Variants in ADARB2 observed in about 807,000 individuals in gnomAD.
The protein encoded by ADARB2 is inactive double-stranded RNA-specific editase B2.
In ADARB2, 25 loss-of-function variants were observed where a neutral mutation model predicts 62.2. The observed-to-expected ratio is 0.40, with a 90% CI of 0.29 to 0.56. ADARB2 has a LOEUF of 0.56. Ranked by LOEUF, ADARB2 falls within the 20% of genes least tolerant of loss-of-function variation. The pLI is 0.43. For missense variants in ADARB2, 1,071 were observed against 1,077.4 expected (o/e 0.99, Z 0.08); for synonymous variants, 572 against 500.8 (o/e 1.14, Z -1.90).
intron 3 of ADARB2, among the ~76,000 whole-genome samples, chr10:1,280,178 C>A (rs1188734862): frequency 1.3e-5 from 2 of 152,192 alleles, no homozygotes; most frequent in Admixed American, 6.5e-5. Context: ...CTCACTTAAC[C>A]TGAACTACTT....
chr10:1,222,779 C>CT (rs1830706434), intron 6 of ADARB2, among the ~76,000 whole-genome samples: 1 of 149,556 alleles, frequency 6.7e-6, no homozygotes, highest in Admixed American at 6.6e-5. Flanking sequence ...GTCTATATCT[C>CT]TGTTTTGGTA....
intron 1 of ADARB2, among the ~76,000 whole-genome samples, chr10:1,604,740 G>A (rs1484555182): frequency 2.0e-5 from 3 of 152,130 alleles, no homozygotes; most frequent in Admixed American, 6.5e-5. Flanking sequence ...CCTCCTCAAC[G>A]CATGAGAACG....
intron 1 of ADARB2, among the ~76,000 whole-genome samples, chr10:1,622,943 G>A (rs889155711): frequency 2.0e-5 from 3 of 152,120 alleles, no homozygotes; most frequent in Admixed American, 6.5e-5. Context: ...CAACAGAGAG[G>A]GGGAGAAACA....
chr10:1,633,425 G>T (rs1033238344), intron 1 of ADARB2, among the ~76,000 whole-genome samples: 1 of 152,204 alleles, frequency 6.6e-6, no homozygotes, highest in Non-Finnish European at 1.5e-5. Context: ...TTTTCAGAGT[G>T]TGGACGCTGA....
At chr10:1,359,824 G>C (rs547094196) in intron 3 of ADARB2, among the ~76,000 whole-genome samples, 16 of 152,366 alleles carry the variant, frequency 1.1e-4, no homozygotes, top group Admixed American at 9.8e-4. Flanking sequence ...CGAGCTGGAA[G>C]TGCAGACCGC....
chr10:1,406,697 G>A lies in ADARB2; in HGVS notation c.101-27537C>T, dbSNP rs140603089. Among the ~76,000 whole-genome samples the A allele has an allele frequency of 5.1e-4, 78 of 152,326 alleles. No individual in the cohort carries two copies. In the East Asian group the frequency reaches 0.012, roughly 24 times the overall value. ...TGGCGGGGGAGCCCTGGCACCCCTT[G>A]TGACTGCTGTGAAGGTGAGTGCCAG... On this transcript the variant is annotated intron_variant, in intron 1 of 9. Transcript: ENST00000381312.
intron 1 of ADARB2, among the ~76,000 whole-genome samples, chr10:1,479,420 G>T (rs1234306869): frequency 6.6e-6 from 1 of 152,204 alleles, no homozygotes; most frequent in Non-Finnish European, 1.5e-5. Flanking sequence ...GGTTTGTGTG[G>T]CTTCAGGGCC....
intron 3 of ADARB2, among the ~76,000 whole-genome samples, chr10:1,280,437 T>G (rs1831359740): frequency 6.6e-6 from 1 of 152,310 alleles, no homozygotes; most frequent in East Asian, 1.9e-4. Flanking sequence ...CCTCCTTCCT[T>G]GACACATGAC....
chr10:1,261,753 A>T (rs1831139235), intron 4 of ADARB2, among the ~76,000 whole-genome samples: 1 of 150,206 alleles, frequency 6.7e-6, no homozygotes, highest in Admixed American at 6.6e-5. Context: ...AGGGATCTAG[A>T]ACTAGAAATA....
chr10:1,210,841 C>T (rs1223789956), intron 7 of ADARB2, among the ~76,000 whole-genome samples: 1 of 152,132 alleles, frequency 6.6e-6, no homozygotes. Context: ...CCCCTTCCCG[C>T]GCTGGGGCCT....
intron 1 of ADARB2, chr10:1,675,877 GCT>G: frequency 1.4e-6 from 1 of 734,600 alleles, no homozygotes; most frequent in Admixed American, 6.3e-5. Context: ...GCCAGCCTCA[GCT>G]CTGAGTGGCA....
intron 4 of ADARB2, among the ~76,000 whole-genome samples, chr10:1,257,315 C>T (rs536968893): frequency 1.3e-5 from 2 of 152,336 alleles, no homozygotes; most frequent in African/African-American, 2.4e-5. Context: ...TCATACTCTC[C>T]TCCCCTTCTC....
chr10:1,535,368 A>G (rs2676732), intron 1 of ADARB2, among the ~76,000 whole-genome samples: 115,308 of 151,954 alleles, frequency 0.76, 44,424 homozygotes, highest in Non-Finnish European at 0.82. Flanking sequence ...TCCGTGTGCC[A>G]GTGCAGCTGA....
chr10:1,273,261 A>AT (rs1259146630), intron 3 of ADARB2, among the ~76,000 whole-genome samples: 1 of 152,004 alleles, frequency 6.6e-6, no homozygotes, highest in Non-Finnish European at 1.5e-5. Context: ...GTGATTCTTA[A>AT]TTTTTTTATT....
chr10:1,245,230 A>C (rs1830973056), intron 4 of ADARB2, among the ~76,000 whole-genome samples: 1 of 152,176 alleles, frequency 6.6e-6, no homozygotes, highest in Admixed American at 6.5e-5. Context: ...GGAAATTTAC[A>C]CAGAAGATGA....
intron 1 of ADARB2, among the ~76,000 whole-genome samples, chr10:1,528,271 A>T (rs1037030497): frequency 1.3e-5 from 2 of 152,250 alleles, no homozygotes; most frequent in African/African-American, 4.8e-5. Flanking sequence ...TGGTCTACCC[A>T]GATTTTTAAA....
intron 1 of ADARB2, among the ~76,000 whole-genome samples, chr10:1,617,220 C>T (rs2132024632): frequency 6.8e-6 from 1 of 147,960 alleles, no homozygotes; most frequent in Non-Finnish European, 1.5e-5. Context: ...AGACACACTC[C>T]ACACCGCCCT....
chr10:1,309,652 G>A (rs545858155), intron 3 of ADARB2, among the ~76,000 whole-genome samples: 1 of 152,366 alleles, frequency 6.6e-6, no homozygotes, highest in South Asian at 2.1e-4. Flanking sequence ...AAGCCTCCCT[G>A]GTTCAGGGCC....
intron 1 of ADARB2, among the ~76,000 whole-genome samples, chr10:1,490,805 A>C (rs1045496380): frequency 3.9e-5 from 6 of 152,162 alleles, no homozygotes; most frequent in African/African-American, 1.4e-4. Context: ...AAGACAATAT[A>C]CACATGAAAG....
Sources: allele counts gnomAD v4.1 joint callset (sites outside exome capture counted in the v4.1 genomes callset), GRCh38; gene constraint gnomAD v4.1.1; transcripts MANE v1.5; gene names NCBI Gene and HGNC (gene_info 2026-07-23, HGNC 2026-07-21).